The following RP1 variants were observed in gnomAD, a reference collection of about 807,000 sequenced individuals.
RP1 encodes oxygen-regulated protein 1.
In RP1, 16 loss-of-function variants were observed where a neutral mutation model predicts 14.8. The observed-to-expected ratio is 1.08, with a 90% CI of 0.73 to 1.65. The LOEUF (loss-of-function observed/expected upper bound fraction) is 1.65, where lower values mean the gene tolerates loss of function less well. Ranked by LOEUF, RP1 falls within the 40% of genes most tolerant of loss-of-function variation. The probability of loss-of-function intolerance (pLI) is 0.00; values close to 1 mark genes in which losing one functional copy is unlikely to be tolerated. For synonymous variants in RP1, 876 were observed against 883.6 expected (o/e 0.99, Z 0.15); for missense variants, 2,631 against 2,535.0 (o/e 1.04, Z -0.81).
At chr8:54,714,278 C>G (rs1384418074) in intron 15 of RP1, among the ~76,000 whole-genome samples, 3 of 152,164 alleles carry the variant, frequency 2.0e-5, no homozygotes, top group Non-Finnish European at 2.9e-5. Context: ...GTAACAAACC[C>G]CTTCCTTGTT....
At chr8:54,724,248 G>A (rs1808599293) in intron 16 of RP1, among the ~76,000 whole-genome samples, 1 of 151,934 alleles carries the variant, frequency 6.6e-6, no homozygotes, top group African/African-American at 2.4e-5. Flanking sequence ...AGACTATATG[G>A]GTTTAAAACA....
intron 24 of RP1, among the ~76,000 whole-genome samples, chr8:54,798,490 A>G (rs1053195764): frequency 9.8e-5 from 15 of 152,332 alleles, no homozygotes; most frequent in East Asian, 5.8e-4. Flanking sequence ...TGTTGGTTCT[A>G]TTATCTACTT....
At chr8:54,603,772 TC>T (rs1296483440) in intron 1 of RP1, among the ~76,000 whole-genome samples, 1 of 152,168 alleles carries the variant, frequency 6.6e-6, no homozygotes, top group Non-Finnish European at 1.5e-5. Context: ...TAAGTTGGAT[TC>T]CTAGGTATTT....
In RP1 at chr8:54,625,855, CA is replaced by C. The variant is rs1190206674; in HGVS notation, c.1979del (p.Asn660MetfsTer22). 6.2e-7 allele frequency: 1 copy of C among 1,613,208 alleles called. No homozygotes were observed. The highest frequency in any genetic ancestry group is 8.5e-7 in the Non-Finnish European group (1 of 1,179,890). ...GCTCAGTGTGGTTTAACAAAACTTC[CA>C]AAAAATGAAAAGAAGATTTTGTCAT... ...EFAQCGLTKLPKNEKKILSSV... is the reference protein window; with the variant it reads ...EFAQCGLTKLXKNEKKILSSV... On this transcript the variant is annotated frameshift_variant, in exon 4 of 4. Transcript: ENST00000220676. LOFTEE classifies it low-confidence loss of function (END_TRUNC).
chr8:54,664,326 T>A (rs1048054270), intron 7 of RP1, among the ~76,000 whole-genome samples: 15 of 152,198 alleles, frequency 9.9e-5, no homozygotes, highest in African/African-American at 3.6e-4. Flanking sequence ...CTCCACCTCT[T>A]GGCTATTGTG....
chr8:54,757,198 C>A (rs1055714335), intron 21 of RP1, among the ~76,000 whole-genome samples: 1 of 152,168 alleles, frequency 6.6e-6, no homozygotes, highest in Admixed American at 6.5e-5. Context: ...TTTGTGCATA[C>A]CTGCCACATC....
chr8:54,669,867 G>A (rs1807109885), intron 7 of RP1, among the ~76,000 whole-genome samples: 1 of 151,740 alleles, frequency 6.6e-6, no homozygotes, highest in South Asian at 2.1e-4. Context: ...TCACACACAG[G>A]GGCCTGTGGT....
chr8:54,871,101 A>C (rs1466714382), exon 29 of RP1: 1 of 152,114 alleles, frequency 6.6e-6, no homozygotes, highest in Non-Finnish European at 1.5e-5. Context: ...CTGTGTCTAA[A>C]TCAGTGTATT....
intron 15 of RP1, among the ~76,000 whole-genome samples, chr8:54,719,158 C>T (rs373283040): frequency 9.9e-5 from 15 of 152,014 alleles, no homozygotes; most frequent in African/African-American, 3.6e-4. Flanking sequence ...TGCCTATGGC[C>T]CCTCTGTCTT....
intron 17 of RP1, among the ~76,000 whole-genome samples, chr8:54,731,169 CAAGT>C (rs1808785586): frequency 6.6e-6 from 1 of 152,168 alleles, no homozygotes; most frequent in African/African-American, 2.4e-5. Flanking sequence ...CTTATTTCTA[CAAGT>C]AATTTATTTT....
chr8:54,706,421 T>C, intron 14 of RP1: 3 of 1,534,534 alleles, frequency 2.0e-6, no homozygotes, highest in Non-Finnish European at 2.6e-6. Flanking sequence ...ACTGCCTTTC[T>C]GTTCTGTTTG....
At chr8:54,631,522 C>A (rs1050397891), downstream of RP1, among the ~76,000 whole-genome samples, 5 of 151,004 alleles carry the variant, frequency 3.3e-5, no homozygotes, top group African/African-American at 1.2e-4. Context: ...GTGAATGTGG[C>A]TTTATTACTT....
chr8:54,653,530 T>C (rs1806696987), intron 5 of RP1, among the ~76,000 whole-genome samples: 1 of 152,202 alleles, frequency 6.6e-6, no homozygotes, highest in Non-Finnish European at 1.5e-5. Context: ...TTCGGCAAAC[T>C]TACTCTTCTT....
Position 54,625,009 on chromosome 8 carries a change from G to T in RP1, c.1127G>T (p.Arg376Leu), listed in dbSNP as rs1166678265. 6.2e-7 allele frequency: 1 copy of T among 1,614,120 alleles called. No individual in the cohort carries two copies. Among genetic ancestry groups the T allele is most frequent in the Non-Finnish European group, 8.5e-7 (1 of 1,180,032 alleles). ...EMSFPGRTES[R>L]SSGLKLAACS... ...AGTTTTCCAGGAAGAACAGAAAGTCGATCATCTGGTTTAAAGCTTGCAGCA... is the reference window on the plus strand; with the variant it reads ...AGTTTTCCAGGAAGAACAGAAAGTCTATCATCTGGTTTAAAGCTTGCAGCA... The change falls in exon 4 of 4, where the codon CGA (arginine) becomes CTA (leucine). Residue 376 changes from arginine (R) to leucine (L), a missense_variant. Physicochemically the swap from Arg to Leu is moderately radical, Grantham distance 102 (BLOSUM62 -2). Coordinates refer to ENST00000220676, the MANE Select transcript of RP1 (RefSeq NM_006269.2).
At chr8:54,764,797 A>T (rs1340742553) in intron 22 of RP1, among the ~76,000 whole-genome samples, 2 of 152,218 alleles carry the variant, frequency 1.3e-5, no homozygotes, top group Non-Finnish European at 2.9e-5. Flanking sequence ...GTTTAATTGT[A>T]TCTTAACCTC....
intron 1 of RP1, among the ~76,000 whole-genome samples, chr8:54,605,539 C>T (rs9771561): frequency 0.34 from 51,523 of 151,012 alleles, 9,339 homozygotes; most frequent in Middle Eastern, 0.49. Context: ...GAGAGTTCTG[C>T]AGATGTCTAT....
At chr8:54,699,694 T>C (rs1202386476) in intron 13 of RP1, 1 of 423,900 alleles carries the variant, frequency 2.4e-6, no homozygotes, top group East Asian at 3.6e-5. Context: ...TTTCATTCTG[T>C]TTTGTTTCAC....
chr8:54,576,433 G>T (rs1804666309), intron 1 of RP1, among the ~76,000 whole-genome samples: 1 of 152,206 alleles, frequency 6.6e-6, no homozygotes. Flanking sequence ...AGCCACAGAA[G>T]TACGTGTTTC....
At chr8:54,749,890 T>C (rs1418001930) in intron 19 of RP1, among the ~76,000 whole-genome samples, 4 of 151,806 alleles carry the variant, frequency 2.6e-5, no homozygotes, top group Non-Finnish European at 5.9e-5. Context: ...TTAGAGGTTT[T>C]GCCTTTTGTT....
Sources: allele counts gnomAD v4.1 joint callset (sites outside exome capture counted in the v4.1 genomes callset), GRCh38; gene constraint gnomAD v4.1.1; transcripts MANE v1.5; gene names NCBI Gene and HGNC (gene_info 2026-07-23, HGNC 2026-07-21).